The following SOX5 variants were observed in gnomAD, a reference collection of about 807,000 sequenced individuals.
The protein encoded by SOX5 is transcription factor SOX-5.
A neutral mutation model predicts 92.0 loss-of-function variants in SOX5; 9 were observed. The observed-to-expected ratio is 0.10, with a 90% CI of 0.06 to 0.17. The LOEUF (loss-of-function observed/expected upper bound fraction) is 0.17. Among genes scored for constraint, SOX5 ranks in the 10% least tolerant of loss-of-function variants. The pLI, the probability that SOX5 is intolerant of heterozygous loss-of-function variation, is 1.00. For synonymous variants in SOX5, 344 were observed against 336.3 expected (o/e 1.02, Z -0.25); for missense variants, 642 against 944.5 (o/e 0.68, Z 4.20).
At chr12:24,421,188 T>C (rs1366032644) in intron 1 of SOX5, among the ~76,000 whole-genome samples, 2 of 152,206 alleles carry the variant, frequency 1.3e-5, no homozygotes, top group African/African-American at 4.8e-5. Context: ...TAGCATGGTA[T>C]ACATGGAGAG....
At chr12:24,033,282 T>C (rs1320261001) in intron 4 of SOX5, among the ~76,000 whole-genome samples, 1 of 151,936 alleles carries the variant, frequency 6.6e-6, no homozygotes. Flanking sequence ...GTTAAATACC[T>C]AGCCAGTCTT....
intron 9 of SOX5, among the ~76,000 whole-genome samples, chr12:23,591,112 A>G (rs1381618777): frequency 1.3e-5 from 2 of 152,042 alleles, no homozygotes; most frequent in Non-Finnish European, 2.9e-5. Context: ...CTAAAAAAAT[A>G]TATAGTTATA....
intron 2 of SOX5, among the ~76,000 whole-genome samples, chr12:24,291,187 G>A (rs1946577472): frequency 6.6e-6 from 1 of 152,160 alleles, no homozygotes; most frequent in Non-Finnish European, 1.5e-5. Flanking sequence ...GAGTCTCTTT[G>A]CTAAGAAGGG....
At chr12:24,052,266 G>A (rs562642106) in intron 4 of SOX5, among the ~76,000 whole-genome samples, 1 of 152,246 alleles carries the variant, frequency 6.6e-6, no homozygotes, top group East Asian at 1.9e-4. Context: ...CAGAGTAAAT[G>A]AAATACTGCA....
At chr12:23,754,574 A>G (rs953475829) in intron 4 of SOX5, among the ~76,000 whole-genome samples, 9 of 151,820 alleles carry the variant, frequency 5.9e-5, no homozygotes, top group Admixed American at 2.6e-4. Context: ...AAATACATGT[A>G]ATTCCAAATG....
chr12:23,739,364 CA>C (rs532181151), intron 5 of SOX5, among the ~76,000 whole-genome samples: 1 of 152,002 alleles, frequency 6.6e-6, no homozygotes, highest in Non-Finnish European at 1.5e-5. Flanking sequence ...ATGTATATTC[CA>C]GTTTTTATTG....
At chr12:23,774,283 C>CAAAACATTA (rs2095031633) in intron 3 of SOX5, among the ~76,000 whole-genome samples, 2 of 151,924 alleles carry the variant, frequency 1.3e-5, no homozygotes, top group Non-Finnish European at 2.9e-5. Flanking sequence ...TGATCTGGGA[C>CAAAACATTA]CTATTACTAG....
intron 4 of SOX5, among the ~76,000 whole-genome samples, chr12:24,062,545 C>T (rs188837928): frequency 1.7e-3 from 262 of 152,304 alleles, no homozygotes; most frequent in Admixed American, 5.6e-3. Context: ...TACTATAGAC[C>T]GGAGTTCTTC....
intron 1 of SOX5, among the ~76,000 whole-genome samples, chr12:23,949,033 G>T (rs1226925096): frequency 6.6e-6 from 1 of 151,914 alleles, no homozygotes; most frequent in South Asian, 2.1e-4. Context: ...TTCTTTGGGG[G>T]GAAAAAACGC....
intron 3 of SOX5, among the ~76,000 whole-genome samples, chr12:24,269,885 T>C: frequency 7.0e-6 from 1 of 142,244 alleles, no homozygotes; most frequent in Admixed American, 7.4e-5. Context: ...GGTCTTCCTA[T>C]GTCACCTAGG....
intron 3 of SOX5, among the ~76,000 whole-genome samples, chr12:24,271,982 A>AAAC (rs1943811827): frequency 1.3e-5 from 2 of 150,518 alleles, no homozygotes; most frequent in African/African-American, 2.4e-5. Flanking sequence ...CACACACACA[A>AAAC]ACACACACAC....
At chr12:24,389,709 C>T (rs1420410714) in intron 1 of SOX5, among the ~76,000 whole-genome samples, 1 of 152,156 alleles carries the variant, frequency 6.6e-6, no homozygotes, top group Non-Finnish European at 1.5e-5. Context: ...TGTGTGAACA[C>T]ATGTTTTCAT....
At chr12:23,535,056 CAT>C (rs1222239128) in intron 14 of SOX5, among the ~76,000 whole-genome samples, 1 of 152,116 alleles carries the variant, frequency 6.6e-6, no homozygotes, top group African/African-American at 2.4e-5. Context: ...AAGATATTGA[CAT>C]GTGTTGTCCA....
rs1226537545 is a variant in SOX5 at position 24,397,507 on chromosome 12, C to CATG, written c.-250-28871_-250-28869dup. ...TCAACTCCTAACATAATAATAAGTA[C>CATG]ATGCCAGGCTAAAAGTGACCCTTAC... is the stretch of plus-strand genomic sequence containing the variant. On this transcript the variant is annotated intron_variant, in intron 1 of 4. Coordinates refer to the SOX5 transcript ENST00000446891. 3.9e-5 allele frequency among the ~76,000 whole-genome samples: 6 copies of CATG among 152,104 alleles called. No homozygotes were observed. In the East Asian group the frequency reaches 9.6e-4, roughly 24 times the overall value.
chr12:24,449,398 G>T (rs561775519), intron 1 of SOX5, among the ~76,000 whole-genome samples: 9 of 152,208 alleles, frequency 5.9e-5, no homozygotes, highest in Admixed American at 1.3e-4. Flanking sequence ...TGTTCTCTCT[G>T]CCTAATATGT....
rs566719449 is a variant in SOX5 at position 24,084,861 on chromosome 12, T to C, written c.-2+128482A>G. ...TACTACAAATGATACATCTTAACTA[T>C]AGTTATCTTTTTACTAATTGATAAG... On this transcript the variant is annotated intron_variant, in intron 4 of 4. Coordinates refer to the SOX5 transcript ENST00000446891. 3.9e-5 allele frequency among the ~76,000 whole-genome samples: 6 copies of C among 152,254 alleles called. No individual in the cohort carries two copies. In the South Asian group the frequency reaches 1.0e-3, roughly 26 times the overall value.
chr12:23,845,749 T>C (rs2096568232), intron 3 of SOX5, among the ~76,000 whole-genome samples: 1 of 152,216 alleles, frequency 6.6e-6, no homozygotes, highest in South Asian at 2.1e-4. Flanking sequence ...TTCATGCAAC[T>C]AATTTACTCA....
upstream of SOX5, among the ~76,000 whole-genome samples, chr12:23,951,699 T>A (rs1265585096): frequency 6.6e-6 from 1 of 152,060 alleles, no homozygotes; most frequent in East Asian, 1.9e-4. Flanking sequence ...GATTTAAGCA[T>A]GTCACTATGG....
intron 6 of SOX5, among the ~76,000 whole-genome samples, chr12:23,670,329 A>G (rs555927707): frequency 2.0e-5 from 3 of 152,328 alleles, no homozygotes; most frequent in African/African-American, 4.8e-5. Context: ...GAGAAAGCAA[A>G]TGTAGACTAT....
Sources: gnomAD v4.1 joint callset for allele counts (sites outside exome capture counted in the v4.1 genomes callset) on GRCh38, gnomAD v4.1.1 for gene constraint, MANE v1.5 for transcripts, NCBI Gene and HGNC (gene_info 2026-07-23, HGNC 2026-07-21) for gene names.